Variants in CNTNAP3 observed in about 807,000 individuals in gnomAD.
CNTNAP3 encodes the protein contactin associated protein family member 3.
CNTNAP3 carries 36 observed loss-of-function variants against 92.1 expected under a neutral mutation model. The observed-to-expected ratio is 0.39, with a 90% CI of 0.30 to 0.52. CNTNAP3 has a LOEUF of 0.52. Ranked by LOEUF, CNTNAP3 falls within the 20% of genes least tolerant of loss-of-function variation. CNTNAP3 has a pLI of 0.76. For synonymous variants in CNTNAP3, 232 were observed against 422.3 expected, an observed-to-expected ratio of 0.55 and a Z score of 5.53; for missense variants, 534 against 1,069.6, an observed-to-expected ratio of 0.50 and a Z score of 6.98.
At chr9:39,149,029 T>G (rs576841128) in intron 10 of CNTNAP3, among the ~76,000 whole-genome samples, 57 of 152,276 alleles carry the variant, frequency 3.7e-4, no homozygotes, top group Admixed American at 1.1e-3. Context: ...ATGTTTTTCT[T>G]GTCTAACCTC....
intron 21 of CNTNAP3, among the ~76,000 whole-genome samples, chr9:39,079,241 A>C: frequency 6.6e-6 from 1 of 152,124 alleles, no homozygotes. Context: ...TAATTTTTAA[A>C]ATATAGCATT....
chr9:39,127,803 A>G (rs1485012600), intron 13 of CNTNAP3, among the ~76,000 whole-genome samples: 3 of 151,534 alleles, frequency 2.0e-5, no homozygotes, highest in African/African-American at 7.3e-5. Context: ...CTTGGCCCAG[A>G]TGGTTTTACT....
At chr9:39,132,624 C>G (rs1437609331) in intron 13 of CNTNAP3, among the ~76,000 whole-genome samples, 1 of 152,154 alleles carries the variant, frequency 6.6e-6, no homozygotes, top group Non-Finnish European at 1.5e-5. Context: ...GCCTGCCCTA[C>G]AGCCATTATC....
chr9:39,105,166 G>A (rs1046824254), intron 15 of CNTNAP3, among the ~76,000 whole-genome samples: 1 of 152,132 alleles, frequency 6.6e-6, no homozygotes, highest in Non-Finnish European at 1.5e-5. Flanking sequence ...AGTGGCTCAC[G>A]CCTGTAACCC....
intron 14 of CNTNAP3, among the ~76,000 whole-genome samples, chr9:39,116,086 A>G (rs902441496): frequency 6.6e-6 from 1 of 151,646 alleles, no homozygotes; most frequent in Admixed American, 6.6e-5. Context: ...CGGGAGGCGC[A>G]GGTTGCAGTG....
intron 12 of CNTNAP3, among the ~76,000 whole-genome samples, chr9:39,138,797 G>C (rs941134475): frequency 6.6e-6 from 1 of 152,188 alleles, no homozygotes; most frequent in Non-Finnish European, 1.5e-5. Context: ...CCAAAGGTTA[G>C]TGCTTGTGGA....
chr9:39,108,139 T>A (rs576243089), intron 15 of CNTNAP3, among the ~76,000 whole-genome samples: 153 of 151,996 alleles, frequency 1.0e-3, no homozygotes, highest in Non-Finnish European at 2.0e-3. Flanking sequence ...TCCCCCTATC[T>A]CCAAATTTCA....
intron 23 of CNTNAP3, among the ~76,000 whole-genome samples, chr9:39,076,027 T>G (rs1587692298): frequency 6.6e-6 from 1 of 152,298 alleles, no homozygotes; most frequent in Non-Finnish European, 1.5e-5. Context: ...AAACTGCCTC[T>G]GGGAAAGCCC....
At chr9:39,148,324 GAATA>G (rs1435420327) in intron 10 of CNTNAP3, among the ~76,000 whole-genome samples, 1 of 152,114 alleles carries the variant, frequency 6.6e-6, no homozygotes, top group Non-Finnish European at 1.5e-5. Context: ...ATTCCATGCT[GAATA>G]AATACAGTCC....
Position 39,100,082 on chromosome 9 carries a change from G to C in CNTNAP3, c.2824C>G (p.Leu942Val), listed in dbSNP as rs1826420060. Residue 942 changes from leucine to valine, a missense_variant, in exon 18 of 24, where the codon CTG (leucine) becomes GTG (valine). Transcript: ENST00000297668. ...IRSLQLNGVA[L>V]DLEERATVTP... ...ACTGTGGCTCTTTCTTCCAGATCCA[G>C]GGCCACCCCGTTCAACTGCAGAGAC... 6.3e-7 allele frequency: 1 copy of C among 1,580,502 alleles called. No individual in the cohort carries two copies. Among genetic ancestry groups the C allele is most frequent in the South Asian group, 1.1e-5 (1 of 88,278 alleles).
At position 39,134,326 on chromosome 9, in the gene CNTNAP3, G is replaced by A. The variant is rs1214617562; in HGVS notation, c.1877-1191C>T. 3.9e-5 allele frequency among the ~76,000 whole-genome samples: 6 copies of A among 152,002 alleles called. No individual in the cohort carries two copies. In the East Asian group the frequency reaches 1.2e-3, roughly 29 times the overall value. ...AAATTAAATTATCACTCCACTCACT[G>A]TACTCACCAAAGGAGGCTCTAAGTG... On this transcript the variant is annotated intron_variant, in intron 12 of 23. Transcript: ENST00000297668.
At chr9:39,086,585 T>G (rs1826066412) in intron 20 of CNTNAP3, 131 bp downstream of exon 20, 4 of 1,220,378 alleles carry the variant, frequency 3.3e-6, no homozygotes, top group East Asian at 2.8e-5. Context: ...ATATTTGGCT[T>G]CTTCTTGACT....
At chr9:39,082,796 T>C (rs1397558140) in intron 21 of CNTNAP3, among the ~76,000 whole-genome samples, 1 of 152,292 alleles carries the variant, frequency 6.6e-6, no homozygotes, top group Non-Finnish European at 1.5e-5. Flanking sequence ...AGCCTTCATC[T>C]GCACCCATCA....
At chr9:39,112,610 C>T (rs796506548) in intron 14 of CNTNAP3, among the ~76,000 whole-genome samples, 22 of 152,262 alleles carry the variant, frequency 1.4e-4, no homozygotes, top group African/African-American at 2.9e-4. Context: ...ATGATCCGCC[C>T]GCCTTGGCCT....
chr9:39,122,495 A>C (rs1821053403), intron 13 of CNTNAP3, among the ~76,000 whole-genome samples: 1 of 152,228 alleles, frequency 6.6e-6, no homozygotes, highest in Non-Finnish European at 1.5e-5. Context: ...TCAATTTTAG[A>C]CCCTATTTAA....
At position 39,069,075 on chromosome 9, in the gene CNTNAP3, C is replaced by G. The variant is rs1253699008; in HGVS notation, c.*4815G>C. 7.2e-5 allele frequency among the ~76,000 whole-genome samples: 11 copies of G among 152,150 alleles called. No individual in the cohort carries two copies. Among genetic ancestry groups the G allele is most frequent in the Admixed American group, 5.2e-4 (8 of 15,280 alleles). ...TGAATCATATCCTAAAGATTTGGAA[C>G]AAGAAGTAAATTTAGCTATCAATTA... On this transcript the variant is annotated 3_prime_UTR_variant, in exon 24 of 24. Coordinates refer to ENST00000297668, the MANE Select transcript of CNTNAP3 (RefSeq NM_033655.5).
chr9:39,101,246 C>T (rs1221546489), intron 17 of CNTNAP3, among the ~76,000 whole-genome samples: 5 of 150,948 alleles, frequency 3.3e-5, no homozygotes, highest in Non-Finnish European at 7.4e-5. Context: ...TATAACACCC[C>T]ATCCACATCC....
chr9:39,141,550 T>C (rs1489640298), intron 11 of CNTNAP3, among the ~76,000 whole-genome samples: 1 of 152,206 alleles, frequency 6.6e-6, no homozygotes, highest in Non-Finnish European at 1.5e-5. Flanking sequence ...AAATTTACTC[T>C]AGCATAATTG....
chr9:39,120,619 G>A (rs573336824), intron 13 of CNTNAP3, among the ~76,000 whole-genome samples: 9 of 152,250 alleles, frequency 5.9e-5, no homozygotes, highest in Non-Finnish European at 1.2e-4. Context: ...GCAGTGAGCC[G>A]AGATTGTGCC....
Sources: gnomAD v4.1 joint callset for allele counts (sites outside exome capture counted in the v4.1 genomes callset) on GRCh38, gnomAD v4.1.1 for gene constraint, MANE v1.5 for transcripts, NCBI Gene and HGNC (gene_info 2026-07-23, HGNC 2026-07-21) for gene names.